NPNT: variants seen among roughly 807,000 people sequenced by gnomAD.
The protein encoded by NPNT is preosteoblast EGF-like repeat protein with MAM domain.
In NPNT, 45 loss-of-function variants were observed where a neutral mutation model predicts 68.6. The observed-to-expected ratio is 0.66, with a 90% confidence interval of 0.52 to 0.84. The LOEUF (loss-of-function observed/expected upper bound fraction) is 0.84, where lower values mean the gene tolerates loss of function less well. NPNT is among the 40% of genes least tolerant of loss of function. The pLI, the probability that NPNT is intolerant of heterozygous loss-of-function variation, is 0.00. For synonymous variants in NPNT, 233 were observed against 253.3 expected (o/e 0.92, Z 0.76); for missense variants, 672 against 714.8 (o/e 0.94, Z 0.68).
chr4:105,912,025 T>A, intron 2 of NPNT: 2 of 602,262 alleles, frequency 3.3e-6, no homozygotes, highest in South Asian at 3.8e-5. Context: ...GACTAAAATA[T>A]TACTATTTTA....
intron 8 of NPNT, among the ~76,000 whole-genome samples, chr4:105,958,024 G>T (rs2149400259): frequency 6.6e-6 from 1 of 152,210 alleles, no homozygotes; most frequent in East Asian, 1.9e-4. Context: ...GTTCACTGGG[G>T]GTGGGGAGTA....
chr4:105,929,376 C>T (rs1214832575), intron 3 of NPNT: 1 of 152,226 alleles, frequency 6.6e-6, no homozygotes, highest in African/African-American at 2.4e-5. Context: ...AGCTGCTATT[C>T]TAAAGTGTGT....
intron 2 of NPNT, among the ~76,000 whole-genome samples, chr4:105,901,363 C>A (rs897042643): frequency 6.6e-6 from 1 of 152,168 alleles, no homozygotes; most frequent in Admixed American, 6.5e-5. Flanking sequence ...CTCTAAACTG[C>A]AACTGAAAAC....
chr4:105,950,740 C>T (rs1354083720), intron 8 of NPNT, among the ~76,000 whole-genome samples: 3 of 152,180 alleles, frequency 2.0e-5, no homozygotes, highest in Non-Finnish European at 4.4e-5. Flanking sequence ...CAATGCCTGA[C>T]AACCTGCACC....
At chr4:105,960,649 C>T (rs1009424138) in intron 10 of NPNT, among the ~76,000 whole-genome samples, 3 of 152,156 alleles carry the variant, frequency 2.0e-5, no homozygotes, top group African/African-American at 7.2e-5. Flanking sequence ...ACACACAGTA[C>T]TCTCAGTCAT....
chr4:105,966,281 A>C (rs1206910510), intron 10 of NPNT, among the ~76,000 whole-genome samples: 1 of 152,148 alleles, frequency 6.6e-6, no homozygotes, highest in African/African-American at 2.4e-5. Flanking sequence ...ACTACTTGCA[A>C]CTTTCTCTCT....
intron 2 of NPNT, among the ~76,000 whole-genome samples, chr4:105,916,272 T>C (rs1162463977): frequency 6.6e-6 from 1 of 151,914 alleles, no homozygotes; most frequent in African/African-American, 2.4e-5. Context: ...TAGGCTGGAG[T>C]GCAATGGTGC....
intron 3 of NPNT, among the ~76,000 whole-genome samples, chr4:105,934,099 C>T (rs1377573186): frequency 1.3e-5 from 2 of 151,928 alleles, no homozygotes; most frequent in Admixed American, 6.6e-5. Flanking sequence ...GTTCTTTTAT[C>T]AACTTTTAAG....
At chr4:105,911,952 T>C in intron 2 of NPNT, 2 of 482,444 alleles carry the variant, frequency 4.1e-6, no homozygotes, top group Non-Finnish European at 7.3e-6. Flanking sequence ...TATAGAAGAA[T>C]AGCATAACTT....
chr4:105,955,415 A>G (rs1429028597), intron 8 of NPNT, among the ~76,000 whole-genome samples: 1 of 152,218 alleles, frequency 6.6e-6, no homozygotes, highest in Non-Finnish European at 1.5e-5. Context: ...GCGTTCAACA[A>G]GTATCAAGCC....
At chr4:105,936,940 G>C (rs1266056548) in intron 3 of NPNT, 69 bp from the exon 4 acceptor site, 1 of 1,486,328 alleles carries the variant, frequency 6.7e-7, no homozygotes, top group East Asian at 2.5e-5. Context: ...ATATAGAAAA[G>C]AATTTTAGAT....
At chr4:105,966,827 G>A (rs1296160664) in intron 10 of NPNT, among the ~76,000 whole-genome samples, 2 of 152,144 alleles carry the variant, frequency 1.3e-5, no homozygotes, top group Non-Finnish European at 2.9e-5. Context: ...ATCGCCAGGG[G>A]TGTTGGACAA....
At chr4:105,921,869 T>C (rs1560903684) in intron 2 of NPNT, among the ~76,000 whole-genome samples, 1 of 152,214 alleles carries the variant, frequency 6.6e-6, no homozygotes, top group African/African-American at 2.4e-5. Context: ...TTTGTCCATA[T>C]CTGAATTCTG....
chr4:105,960,024 A>C (rs775263096), intron 10 of NPNT, among the ~76,000 whole-genome samples: 13 of 151,958 alleles, frequency 8.6e-5, no homozygotes, highest in Admixed American at 6.6e-4. Flanking sequence ...GTTAGCCAGG[A>C]TGGTCTCGAT....
rs1732434372 is a variant in NPNT, at chr4:105,969,653, T to G, written c.*663T>G. 6.6e-6 allele frequency: 1 copy of G among 152,188 alleles called. No individual in the cohort carries two copies. The highest frequency in any genetic ancestry group is 2.1e-4 in the South Asian group (1 of 4,832). The allele number at this position is 152,188 out of a possible 1,614,324, so 9.4% of individuals were successfully genotyped here. On this transcript the variant is annotated 3_prime_UTR_variant, in exon 12 of 12. Coordinates refer to ENST00000379987, the MANE Select transcript of NPNT (RefSeq NM_001033047.3). ...ATTGTGTTTTGTGTAAATGTGCTAT[T>G]GATATTAAGTATTTACATGTTCCAA...
intron 3 of NPNT, among the ~76,000 whole-genome samples, chr4:105,931,694 G>T (rs991408716): frequency 7.0e-6 from 1 of 143,232 alleles, no homozygotes; most frequent in Non-Finnish European, 1.5e-5. Flanking sequence ...AAAAAAATTA[G>T]CCAGGCATGG....
chr4:105,940,362 G>A (rs1729838593), intron 6 of NPNT, 152 bp from the exon 7 acceptor site: 1 of 1,015,422 alleles, frequency 9.8e-7, no homozygotes, highest in Non-Finnish European at 1.5e-6. Context: ...GTAGTTCTCA[G>A]TCTACATGTA....
At chr4:105,931,492 A>T (rs1729095985) in intron 3 of NPNT, among the ~76,000 whole-genome samples, 1 of 151,894 alleles carries the variant, frequency 6.6e-6, no homozygotes, top group Admixed American at 6.6e-5. Flanking sequence ...CTTTAACTCT[A>T]ATATTAAGGT....
intron 2 of NPNT, among the ~76,000 whole-genome samples, chr4:105,899,747 T>C (rs908047996): frequency 6.6e-6 from 1 of 152,246 alleles, no homozygotes; most frequent in African/African-American, 2.4e-5. Flanking sequence ...CTATTAACAT[T>C]GAAGTTGGTG....
Sources: gnomAD v4.1 joint callset for allele counts (sites outside exome capture counted in the v4.1 genomes callset) on GRCh38, gnomAD v4.1.1 for gene constraint, MANE v1.5 for transcripts, NCBI Gene and HGNC (gene_info 2026-07-23, HGNC 2026-07-21) for gene names.